Variants in SHOC2 observed in about 807,000 individuals in gnomAD.
SHOC2 encodes SHOC2 leucine rich repeat scaffold protein, also known as leucine-rich repeat protein SHOC-2.
In SHOC2, 4 loss-of-function variants were observed where a neutral mutation model predicts 50.2. The ratio of observed to expected loss-of-function variants is 0.08; its 90% confidence interval spans 0.04 to 0.18. The LOEUF (loss-of-function observed/expected upper bound fraction) is 0.18. Among genes scored for constraint, SHOC2 ranks in the 10% least tolerant of loss-of-function variants. The pLI, the probability that SHOC2 is intolerant of heterozygous loss-of-function variation, is 1.00. For synonymous variants in SHOC2, 218 were observed against 244.5 expected (o/e 0.89, Z 1.01); for missense variants, 388 against 669.6 (o/e 0.58, Z 4.64).
intron 1 of SHOC2, among the ~76,000 whole-genome samples, chr10:110,937,505 A>G (rs1847050767): frequency 6.6e-6 from 1 of 152,052 alleles, no homozygotes; most frequent in African/African-American, 2.4e-5. Flanking sequence ...ATGGTTAGGG[A>G]TATGTCTTAG....
At chr10:110,968,058 G>A (rs1375054944) in intron 2 of SHOC2, among the ~76,000 whole-genome samples, 2 of 152,200 alleles carry the variant, frequency 1.3e-5, no homozygotes, top group East Asian at 3.9e-4. Flanking sequence ...TTTCCAAAGG[G>A]ACTGCAATAT....
At position 110,919,614 on chromosome 10, in the gene SHOC2, A is replaced by AAGGAGGGCGAGCGAGG; in HGVS notation, c.-273_-258dup. 2.5e-6 allele frequency: 1 copy of AAGGAGGGCGAGCGAGG among 395,038 alleles called. No individual in the cohort carries two copies. The highest frequency in any genetic ancestry group is 4.4e-6 in the Non-Finnish European group (1 of 225,412). 24.5% of individuals were successfully genotyped at this position (395,038 alleles called of 1,614,324 possible). ...TCTTAGGAGGAGGAGGAAGAGGAGG[A>AAGGAGGGCGAGCGAGG]AGGAGGGCGAGCGAGGAGGATGGCG... On this transcript the variant is annotated 5_prime_UTR_variant, in exon 1 of 9. The change creates a new upstream start codon in the 5' untranslated region. Coordinates refer to ENST00000369452, the MANE Select transcript of SHOC2 (RefSeq NM_007373.4).
At position 110,946,306 on chromosome 10, in the gene SHOC2, A is replaced by T. The variant is rs143006167; in HGVS notation, c.-234-17819A>T. 5.4e-3 allele frequency among the ~76,000 whole-genome samples: 821 copies of T among 150,826 alleles called. 4 individuals are homozygous for T. The highest frequency in any genetic ancestry group is 0.017 in the Admixed American group (252 of 15,074). ...AAGAAGAAATTTATTCTAAAAAATT[A>T]TGTCTAGATACATTAATTTGTTGTT... On this transcript the variant is annotated intron_variant, in intron 1 of 8. Transcript: ENST00000369452.
Position 110,964,973 on chromosome 10 carries a change from T to A in SHOC2, c.615T>A (p.Thr205=). The change falls in exon 2 of 9, where the codon ACT becomes ACA. Residue 205 remains threonine (T), a synonymous_variant. Transcript: ENST00000369452. The surrounding 1 kb of genome is among the most constrained non-coding windows in gnomAD (Gnocchi z 4.9). Reference sequence around the variant, plus strand: ...TTTACCTTCGCTTTAATCGTATAACTACTGTGGAAAAGGACATCAAAAACT... The same window carrying A: ...TTTACCTTCGCTTTAATCGTATAACAACTGTGGAAAAGGACATCAAAAACT... ...TTLYLRFNRI[T]TVEKDIKNLS... 2 of 1,613,622 alleles carry A rather than the reference T, an allele frequency of 1.2e-6. No homozygotes were observed. Among genetic ancestry groups the A allele is most frequent in the Non-Finnish European group, 8.5e-7 (1 of 1,179,798 alleles).
At chr10:110,989,873 A>G (rs1424918265) in intron 3 of SHOC2, among the ~76,000 whole-genome samples, 1 of 152,110 alleles carries the variant, frequency 6.6e-6, no homozygotes, top group Non-Finnish European at 1.5e-5. Flanking sequence ...TATTCAGTGT[A>G]TATTCAGTAT....
At chr10:110,924,378 A>G (rs1846714954) in intron 1 of SHOC2, among the ~76,000 whole-genome samples, 1 of 152,190 alleles carries the variant, frequency 6.6e-6, no homozygotes, top group Non-Finnish European at 1.5e-5. Flanking sequence ...GGCAATGCCT[A>G]CTGGAGGACA....
chr10:110,982,127 T>C (rs1415419156), intron 2 of SHOC2, among the ~76,000 whole-genome samples: 1 of 148,540 alleles, frequency 6.7e-6, no homozygotes, highest in Non-Finnish European at 1.5e-5. Context: ...GTTCTTGAGA[T>C]AGTTTACTGA....
chr10:110,983,512 A>G (rs1248398199), intron 2 of SHOC2, among the ~76,000 whole-genome samples: 1 of 152,184 alleles, frequency 6.6e-6, no homozygotes, highest in Non-Finnish European at 1.5e-5. Flanking sequence ...TTTATTATAA[A>G]ATATGCATAA....
chr10:110,964,967 T>C lies in SHOC2; in HGVS notation c.609T>C (p.Arg203=), dbSNP rs1458197742. The C allele has an allele frequency of 1.2e-6, 2 of 1,613,642 alleles. No homozygotes were observed. Among genetic ancestry groups the C allele is most frequent in the South Asian group, 2.2e-5 (2 of 91,078 alleles). Residue 203 remains arginine, a synonymous_variant, in exon 2 of 9, where the codon CGT becomes CGC. Transcript: ENST00000369452. The surrounding 1 kb of genome is among the most constrained non-coding windows in gnomAD (Gnocchi z 4.9). ...SLTTLYLRFN[R]ITTVEKDIKN... ...CCACTCTTTACCTTCGCTTTAATCGTATAACTACTGTGGAAAAGGACATCA... is the reference window on the plus strand; with the variant it reads ...CCACTCTTTACCTTCGCTTTAATCGCATAACTACTGTGGAAAAGGACATCA...
chr10:110,949,343 A>C (rs1235373013), intron 1 of SHOC2, among the ~76,000 whole-genome samples: 1 of 152,188 alleles, frequency 6.6e-6, no homozygotes, highest in Non-Finnish European at 1.5e-5. Flanking sequence ...ATAGCCTAGA[A>C]GAAATAGAAA....
intron 8 of SHOC2, 38 bp downstream of exon 8, chr10:111,009,868 T>G (rs1366193770): frequency 9.2e-7 from 1 of 1,092,008 alleles, no homozygotes; most frequent in Non-Finnish European, 1.4e-6. Flanking sequence ...GTACTAATAA[T>G]TTGCTCTTGT....
intron 1 of SHOC2, among the ~76,000 whole-genome samples, chr10:110,954,813 A>T (rs4918615): frequency 6.6e-6 from 1 of 152,110 alleles, no homozygotes; most frequent in Non-Finnish European, 1.5e-5. Context: ...GTGAAGACTG[A>T]GGAAGAACAT....
chr10:110,967,366 C>T (rs1044041620), intron 2 of SHOC2, among the ~76,000 whole-genome samples: 1 of 152,130 alleles, frequency 6.6e-6, no homozygotes, highest in African/African-American at 2.4e-5. Flanking sequence ...CTGGTAGGTC[C>T]AGGGTCTGTA....
At chr10:111,001,157 CTTTT>C (rs11379743) in intron 4 of SHOC2, among the ~76,000 whole-genome samples, 2 of 129,276 alleles carry the variant, frequency 1.5e-5, no homozygotes. Flanking sequence ...AGATATAATA[CTTTT>C]TTTTTTTTTT....
intron 1 of SHOC2, among the ~76,000 whole-genome samples, chr10:110,934,993 C>A (rs1846975342): frequency 6.6e-6 from 1 of 152,172 alleles, no homozygotes; most frequent in Non-Finnish European, 1.5e-5. Context: ...GTTTATTCAT[C>A]CTTCTGCACA....
intron 2 of SHOC2, among the ~76,000 whole-genome samples, chr10:110,977,436 G>A (rs371912925): frequency 6.6e-6 from 1 of 152,010 alleles, no homozygotes; most frequent in Non-Finnish European, 1.5e-5. Flanking sequence ...GTAGAGATGG[G>A]GTTTCTCCAT....
intron 1 of SHOC2, chr10:110,951,664 TAC>T (rs1441033427): frequency 6.6e-6 from 1 of 152,180 alleles, no homozygotes; most frequent in African/African-American, 2.4e-5. Flanking sequence ...GATGGAAGAA[TAC>T]ACACAGAAAA....
chr10:110,971,643 A>G (rs1362268753), intron 2 of SHOC2, among the ~76,000 whole-genome samples: 1 of 152,022 alleles, frequency 6.6e-6, no homozygotes, highest in African/African-American at 2.4e-5. Context: ...GGTAGTATGG[A>G]TATTGTAACA....
intron 1 of SHOC2, among the ~76,000 whole-genome samples, chr10:110,947,412 A>G (rs1176150618): frequency 6.6e-6 from 1 of 152,242 alleles, no homozygotes; most frequent in African/African-American, 2.4e-5. Flanking sequence ...TTCCTATGTT[A>G]AAGCTCCTCT....
Sources: gnomAD v4.1 joint callset for allele counts (sites outside exome capture counted in the v4.1 genomes callset) on GRCh38, gnomAD v4.1.1 for gene constraint, Gnocchi (gnomAD v3.1) non-coding constraint, MANE v1.5 for transcripts, NCBI Gene and HGNC (gene_info 2026-07-23, HGNC 2026-07-21) for gene names.